The following GSN variants were observed in gnomAD, a reference collection of about 807,000 sequenced individuals.
GSN encodes the protein actin-depolymerizing factor.
In GSN, 56 loss-of-function variants were observed where a neutral mutation model predicts 85.7. That is an observed-to-expected ratio of 0.65 (90% CI 0.53 to 0.82). GSN has a LOEUF of 0.82. Among genes scored for constraint, GSN ranks in the 40% least tolerant of loss-of-function variants. The pLI is 0.00. For synonymous variants in GSN, 373 were observed against 399.1 expected, an observed-to-expected ratio of 0.93 and a Z score of 0.78; for missense variants, 857 against 979.8, an observed-to-expected ratio of 0.87 and a Z score of 1.67.
chr9:121,234,450 C>T (rs555642802), intron 5 of GSN, among the ~76,000 whole-genome samples: 7 of 152,334 alleles, frequency 4.6e-5, no homozygotes, highest in African/African-American at 1.7e-4. Context: ...GCACTGTGAG[C>T]CTCCACAAGG....
chr9:121,255,150 G>A (rs1315918813), intron 6 of GSN, among the ~76,000 whole-genome samples: 4 of 152,042 alleles, frequency 2.6e-5, no homozygotes, highest in Non-Finnish European at 5.9e-5. Flanking sequence ...GGGTTTCACC[G>A]TATTAGCCAG....
intron 4 of GSN, among the ~76,000 whole-genome samples, chr9:121,216,605 G>A (rs182919789): frequency 1.8e-4 from 27 of 152,236 alleles, no homozygotes; most frequent in Admixed American, 1.4e-3. Context: ...TGCCTGCCAG[G>A]CCTTGTAATA....
At position 121,332,049 on chromosome 9, in the gene GSN, G is replaced by A. The variant is rs2063979418; in HGVS notation, c.2027-385G>A. Reference sequence around the variant, plus strand: ...GTAGCCTGGGTGACAGAATGAGATGGTGTCTCAAAATGAAAAAAAAAAAGA... The same window carrying A: ...GTAGCCTGGGTGACAGAATGAGATGATGTCTCAAAATGAAAAAAAAAAAGA... On this transcript the variant is annotated intron_variant, in intron 17 of 17. Coordinates refer to ENST00000432226, the MANE Select transcript of GSN (RefSeq NM_198252.3). The surrounding 1 kb of genome is among the most constrained non-coding windows in gnomAD (Gnocchi z 4.8). 6.6e-6 allele frequency among the ~76,000 whole-genome samples: 1 copy of A among 151,366 alleles called. No homozygotes were observed. Among genetic ancestry groups the A allele is most frequent in the South Asian group, 2.1e-4 (1 of 4,784 alleles).
rs372409442 is a variant in GSN at position 121,260,318 on chromosome 9, A to G, written c.-340-4836A>G. Among the ~76,000 whole-genome samples, 10 of 152,364 alleles carry G rather than the reference A, an allele frequency of 6.6e-5. No homozygotes were observed. In the East Asian group the frequency reaches 1.9e-3, roughly 29 times the overall value. The stretch of plus-strand genomic sequence containing the variant: ...AGGAGAGGAAATCTCCATCGGGGAA[A>G]CGTGCTTCTTGCTCATTAGGTATTG... On this transcript the variant is annotated intron_variant, in intron 6 of 24. Coordinates refer to the GSN transcript ENST00000373823.
At chr9:121,227,617 C>G (rs1208037432) in intron 4 of GSN, among the ~76,000 whole-genome samples, 1 of 152,076 alleles carries the variant, frequency 6.6e-6, no homozygotes, top group Non-Finnish European at 1.5e-5. Flanking sequence ...CCAACACAAT[C>G]TTTAGATAGA....
At chr9:121,282,581 G>A (rs750533061) in intron 2 of GSN, 72 of 1,128,542 alleles carry the variant, frequency 6.4e-5, no homozygotes, top group Non-Finnish European at 7.9e-5. Flanking sequence ...TCCCCAGGAT[G>A]TTGTGCCCCA....
chr9:121,294,559 G>C (rs1353580392), intron 2 of GSN, among the ~76,000 whole-genome samples: 1 of 152,240 alleles, frequency 6.6e-6, no homozygotes, highest in Non-Finnish European at 1.5e-5. Context: ...AGCTGGGAAA[G>C]GACCATGGCT....
intron 8 of GSN, chr9:121,317,599 G>A (rs1056719722): frequency 3.4e-6 from 1 of 297,852 alleles, no homozygotes; most frequent in Non-Finnish European, 6.5e-6. Context: ...CTTTTAACTT[G>A]TTCATTTACA....
chr9:121,330,108 T>G (rs1229561818), intron 16 of GSN, among the ~76,000 whole-genome samples: 1 of 152,194 alleles, frequency 6.6e-6, no homozygotes, highest in Non-Finnish European at 1.5e-5. Context: ...CATTGATTGA[T>G]CCATTGGCTA....
At position 121,261,253 on chromosome 9, in the gene GSN, T is replaced by C. The variant is rs2055078393; in HGVS notation, c.-340-3901T>C. Among the ~76,000 whole-genome samples, 1 of 152,254 alleles carries C rather than the reference T, an allele frequency of 6.6e-6. No individual in the cohort carries two copies. The highest frequency in any genetic ancestry group is 2.4e-5 in the African/African-American group (1 of 41,462). ...ATTCATCTAGAACAAAAGCCAGCTC[T>C]TCCTGCTAAATCCCTGGCAGGCATG... On this transcript the variant is annotated intron_variant, in intron 6 of 24. Coordinates refer to the GSN transcript ENST00000373823. The surrounding 1 kb of genome is among the most constrained non-coding windows in gnomAD (Gnocchi z 4.1).
chr9:121,238,775 C>A, intron 5 of GSN: 1 of 502,774 alleles, frequency 2.0e-6, no homozygotes, highest in South Asian at 1.5e-5. Context: ...AAATAAAGTT[C>A]CTCTCAAACT....
chr9:121,217,130 C>T (rs1351356023), intron 4 of GSN, among the ~76,000 whole-genome samples: 5 of 152,098 alleles, frequency 3.3e-5, no homozygotes, highest in Non-Finnish European at 5.9e-5. Context: ...GAGGCCAAGG[C>T]GGGTGGATCA....
intron 2 of GSN, chr9:121,281,768 G>A (rs1004981094): frequency 2.1e-6 from 1 of 471,080 alleles, no homozygotes; most frequent in Non-Finnish European, 4.4e-6. Context: ...GAGTGATCTT[G>A]TAGGGAGGAG....
At chr9:121,256,694 G>A (rs566199768) in intron 6 of GSN, among the ~76,000 whole-genome samples, 108 of 152,046 alleles carry the variant, frequency 7.1e-4, no homozygotes, top group South Asian at 2.3e-3. Flanking sequence ...TCTGGCCAAC[G>A]TGGTGAAACC....
chr9:121,317,327 A>G (rs969986208), intron 8 of GSN, 109 bp downstream of exon 8: 5 of 1,228,998 alleles, frequency 4.1e-6, no homozygotes, highest in Middle Eastern at 3.8e-4. Flanking sequence ...GCCTGGTGCA[A>G]TGGAAATCAG....
intron 7 of GSN, among the ~76,000 whole-genome samples, chr9:121,315,662 A>G (rs2061633617): frequency 6.6e-6 from 1 of 152,080 alleles, no homozygotes; most frequent in Non-Finnish European, 1.5e-5. Flanking sequence ...CTCTCCTCCT[A>G]AGGGAGGAGA....
chr9:121,250,035 C>A (rs1305844276), intron 6 of GSN, among the ~76,000 whole-genome samples: 1 of 152,156 alleles, frequency 6.6e-6, no homozygotes, highest in Non-Finnish European at 1.5e-5. Flanking sequence ...GCTACCTTAT[C>A]CTGAAGCCGG....
chr9:121,327,545 T>C, intron 14 of GSN, 63 bp downstream of exon 14: 1 of 1,369,416 alleles, frequency 7.3e-7, no homozygotes, highest in Non-Finnish European at 9.9e-7. Flanking sequence ...CCCCCTTCTT[T>C]CCTTCAGCTT....
intron 5 of GSN, among the ~76,000 whole-genome samples, chr9:121,243,767 A>G (rs940765283): frequency 1.3e-5 from 2 of 152,156 alleles, no homozygotes; most frequent in African/African-American, 2.4e-5. Context: ...TAGAAGAAAC[A>G]GGGTTTCACC....
Sources: allele counts gnomAD v4.1 joint callset (sites outside exome capture counted in the v4.1 genomes callset), GRCh38; gene constraint gnomAD v4.1.1; non-coding constraint Gnocchi (gnomAD v3.1); transcripts MANE v1.5; gene names NCBI Gene and HGNC (gene_info 2026-07-23, HGNC 2026-07-21).